ARMC7: variants seen among roughly 807,000 people sequenced by gnomAD.
ARMC7 encodes armadillo repeat-containing protein 7.
A neutral mutation model predicts 14.8 loss-of-function variants in ARMC7; 9 were observed. That is an observed-to-expected ratio of 0.61 (90% confidence interval 0.37 to 1.06). ARMC7 has a LOEUF of 1.06. Ranked by LOEUF, ARMC7 falls within the 50% of genes least tolerant of loss-of-function variation. The pLI, the probability that ARMC7 is intolerant of heterozygous loss-of-function variation, is 0.01. For missense variants in ARMC7, 262 were observed against 267.1 expected (o/e 0.98, Z 0.13); for synonymous variants, 125 against 123.4 (o/e 1.01, Z -0.09).
At chr17:75,112,238 C>A (rs1037395295) in intron 2 of ARMC7, among the ~76,000 whole-genome samples, 1 of 152,192 alleles carries the variant, frequency 6.6e-6, no homozygotes, top group Non-Finnish European at 1.5e-5. Flanking sequence ...GAGTTTAGAT[C>A]TAGGCCGTGG....
At chr17:75,127,305 G>T (rs1267498153) in intron 2 of ARMC7, among the ~76,000 whole-genome samples, 1 of 152,174 alleles carries the variant, frequency 6.6e-6, no homozygotes, top group Admixed American at 6.5e-5. Context: ...AAAAACAAAT[G>T]TTAGGTCAGC....
intron 2 of ARMC7, among the ~76,000 whole-genome samples, chr17:75,112,575 T>TG (rs1491503291): frequency 5.1e-4 from 19 of 37,034 alleles, no homozygotes; most frequent in African/African-American, 8.7e-4. Context: ...CTCTTTTTCT[T>TG]TTTTTTTTTT....
chr17:75,110,629 A>G (rs941404483), intron 2 of ARMC7, 23 bp downstream of exon 2: 1 of 1,613,586 alleles, frequency 6.2e-7, no homozygotes, highest in Non-Finnish European at 8.5e-7. Flanking sequence ...CCCGTTCCCT[A>G]GATGCCTAAA....
intron 2 of ARMC7, among the ~76,000 whole-genome samples, chr17:75,117,401 C>T (rs1225152837): frequency 1.3e-5 from 2 of 152,096 alleles, no homozygotes; most frequent in African/African-American, 4.8e-5. Context: ...TATTGTGGGG[C>T]GACAAGCAAG....
chr17:75,119,925 G>A (rs2074001646), intron 2 of ARMC7, among the ~76,000 whole-genome samples: 1 of 151,764 alleles, frequency 6.6e-6, no homozygotes, highest in Non-Finnish European at 1.5e-5. Context: ...TTGTTTTTGA[G>A]ATGGAGTCTC....
In ARMC7 at chr17:75,129,193, A is replaced by G. The variant is rs1413794837; in HGVS notation, c.*155A>G. The G allele has an allele frequency of 9.2e-7, 1 of 1,085,162 alleles. No homozygotes were observed. The highest frequency in any genetic ancestry group is 1.3e-6 in the Non-Finnish European group (1 of 782,396). The allele number at this position is 1,085,162 out of a possible 1,614,324, so 67.2% of individuals were successfully genotyped here. On this transcript the variant is annotated 3_prime_UTR_variant, in exon 3 of 3. Transcript: ENST00000245543. ...GCAGGACAGGCATTTACACTGATGA[A>G]ACGCCACTGGGAGTGAGGAAGCCAG...
rs2074050861 is a variant in ARMC7 at position 75,126,293 on chromosome 17, A to G, written c.236-2384A>G. Among the ~76,000 whole-genome samples, 3 of 152,148 alleles carry G rather than the reference A, an allele frequency of 2.0e-5. No individual in the cohort carries two copies. The South Asian group carries it at 6.2e-4, about 31-fold the overall frequency. On this transcript the variant is annotated intron_variant, in intron 2 of 2. Transcript: ENST00000245543. ...CATCTGTCCCCAAGGCTAAGAGGTC[A>G]TTACATTGAGGGGGCCTGACTTGAG... is the stretch of plus-strand genomic sequence containing the variant.
chr17:75,120,813 C>CAAAAAA (rs145302822), intron 2 of ARMC7, among the ~76,000 whole-genome samples: 1 of 81,740 alleles, frequency 1.2e-5, no homozygotes, highest in Non-Finnish European at 2.8e-5. Flanking sequence ...GACTCGGTCT[C>CAAAAAA]AAAAAAAAAA....
chr17:75,130,131 TAG>T lies in ARMC7; in HGVS notation c.*1094_*1095del, dbSNP rs2074093171. On this transcript the variant is annotated 3_prime_UTR_variant, in exon 3 of 3. Transcript: ENST00000245543. ...ACGTGGGCATGGAAATGGGGCAGATTAGGGGACCACTGGACTCAGAGGGGAGG... is the reference window on the plus strand; with the variant it reads ...ACGTGGGCATGGAAATGGGGCAGATTGGGACCACTGGACTCAGAGGGGAGG... 5 of 220,552 alleles carry T rather than the reference TAG, an allele frequency of 2.3e-5. No individual in the cohort carries two copies. 13.7% of individuals were successfully genotyped at this position (220,552 alleles called of 1,614,324 possible).
chr17:75,128,373 C>T (rs928540202), intron 2 of ARMC7, among the ~76,000 whole-genome samples: 1 of 151,934 alleles, frequency 6.6e-6, no homozygotes. Context: ...GTGCCCGGGC[C>T]GGCCTTGTTT....
chr17:75,110,210 G>C lies in ARMC7; in HGVS notation c.-79G>C. 7.3e-7 allele frequency: 1 copy of C among 1,366,278 alleles called. No homozygotes were observed. The highest frequency in any genetic ancestry group is 9.8e-7 in the Non-Finnish European group (1 of 1,015,264). The allele number at this position is 1,366,278 out of a possible 1,614,324, so 84.6% of individuals were successfully genotyped here. ...CCCTCTCCAGACAGGTGGAGAGCGGGTGAGGGTCTCGCTCGGCTTTCCCCC... is the reference window on the plus strand; with the variant it reads ...CCCTCTCCAGACAGGTGGAGAGCGGCTGAGGGTCTCGCTCGGCTTTCCCCC... On this transcript the variant is annotated 5_prime_UTR_variant, in exon 1 of 3. Coordinates refer to ENST00000245543, the MANE Select transcript of ARMC7 (RefSeq NM_024585.4).
In ARMC7 at chr17:75,110,282, C is replaced by T. The variant is rs1247956756; in HGVS notation, c.-7C>T. ...CCCGTCCCTGGGGGTCCTCCGTCAC[C>T]GCGGCCATGGCCCAGAAGCCGAAGG... On this transcript the variant is annotated 5_prime_UTR_variant, in exon 1 of 3. Coordinates refer to ENST00000245543, the MANE Select transcript of ARMC7 (RefSeq NM_024585.4). 1.2e-6 allele frequency: 2 copies of T among 1,607,710 alleles called. No individual in the cohort carries two copies. The highest frequency in any genetic ancestry group is 1.1e-5 in the South Asian group (1 of 90,568).
In ARMC7 at chr17:75,128,888, CCT is replaced by C. The variant is rs762886530; in HGVS notation, c.451_452del (p.Ser151GlyfsTer86). Reference protein sequence around the residue: ...PVVQCMLRFSLSASARLRNLA... With the variant: ...PVVQCMLRFSXSASARLRNLA... The stretch of plus-strand genomic sequence containing the variant: ...TGGTGCAGTGCATGCTTCGCTTCTC[CCT>C]CTCGGCCAGCGCCAGGCTCCGGAAC... On this transcript the variant is annotated frameshift_variant, in exon 3 of 3. Transcript: ENST00000245543. LOFTEE classifies it high-confidence loss of function. 1.9e-5 allele frequency: 31 copies of C among 1,611,458 alleles called. No homozygotes were observed. Among genetic ancestry groups the C allele is most frequent in the Non-Finnish European group, 2.4e-5 (28 of 1,179,918 alleles).
rs113871549 is a variant in ARMC7, at chr17:75,128,830, G to A, written c.389G>A (p.Arg130His). The A allele has an allele frequency of 2.6e-3, 4,151 of 1,613,132 alleles. 94 individuals carry two copies. In the African/African-American group the frequency reaches 0.047, roughly 18 times the overall value. Residue 130 changes from arginine to histidine, a missense_variant, in exon 3 of 3, where the codon CGC (arginine) becomes CAC (histidine). Physicochemically the swap from Arg to His is conservative, Grantham distance 29. Coordinates refer to ENST00000245543, the MANE Select transcript of ARMC7 (RefSeq NM_024585.4). ...CTCATGCACCTGAGCCCGCCGGGCC[G>A]CAGCTTTCTCCCAGAGCTGACCGCC... is the stretch of plus-strand genomic sequence containing the variant. The part of the protein sequence containing the change: ...TTLMHLSPPG[R>H]SFLPELTATP...
chr17:75,128,607 GCTCA>G, intron 2 of ARMC7, 66 bp from the exon 3 acceptor site: 2 of 1,545,822 alleles, frequency 1.3e-6, no homozygotes, highest in Non-Finnish European at 1.7e-6. Flanking sequence ...CCTACCTGGG[GCTCA>G]CGGGCAGGGG....
chr17:75,122,015 C>T (rs1402145271), intron 2 of ARMC7, among the ~76,000 whole-genome samples: 1 of 152,058 alleles, frequency 6.6e-6, no homozygotes, highest in South Asian at 2.1e-4. Flanking sequence ...ATTCTCCTAT[C>T]TCAGTGAAAT....
chr17:75,113,361 A>T lies in ARMC7; in HGVS notation c.235+2755A>T, dbSNP rs542380621. On this transcript the variant is annotated intron_variant, in intron 2 of 2. Transcript: ENST00000245543. The stretch of plus-strand genomic sequence containing the variant: ...TTTTAAAAATACTTTTTATTTATTT[A>T]TTTTTTTTTTTGAGATGGAGTCTTG... 6.2e-4 allele frequency among the ~76,000 whole-genome samples: 85 copies of T among 138,138 alleles called. 1 individual carries two copies. Among genetic ancestry groups the T allele is most frequent in the Middle Eastern group, 3.9e-3 (1 of 258 alleles). 90.6% of individuals were successfully genotyped at this position (138,138 alleles called of 152,430 possible). A position where few individuals can be genotyped will look rare whatever the true frequency, so the allele number is the denominator to read the frequency against.
rs537195116 is a variant in ARMC7 at position 75,110,953 on chromosome 17, C to CAAAAAAAA, written c.235+364_235+371dup. ...CGGGGACAAGAGTGAGACCCCGTCT[C>CAAAAAAAA]AAAAAAAAAAAAAAAAAAAAAAAAG... On this transcript the variant is annotated intron_variant, in intron 2 of 2. Transcript: ENST00000245543. Among the ~76,000 whole-genome samples, 41 of 49,812 alleles carry CAAAAAAAA rather than the reference C, an allele frequency of 8.2e-4. 4 individuals carry two copies. Among genetic ancestry groups the CAAAAAAAA allele is most frequent in the African/African-American group, 2.6e-3 (36 of 13,744 alleles). The allele number at this position is 49,812 out of a possible 152,430, so 32.7% of individuals were successfully genotyped here. A position where few individuals can be genotyped will look rare whatever the true frequency, so the allele number is the denominator to read the frequency against.
chr17:75,113,500 G>GC (rs937190704), intron 2 of ARMC7, among the ~76,000 whole-genome samples: 10 of 150,012 alleles, frequency 6.7e-5, no homozygotes, highest in African/African-American at 2.5e-4. Context: ...GATTACAGGC[G>GC]CCCCCCCACC....
Sources: allele counts gnomAD v4.1 joint callset (sites outside exome capture counted in the v4.1 genomes callset), GRCh38; gene constraint gnomAD v4.1.1; transcripts MANE v1.5; gene names NCBI Gene and HGNC (gene_info 2026-07-23, HGNC 2026-07-21).